The following C8orf34 variants were observed in gnomAD, a reference collection of about 807,000 sequenced individuals.
C8orf34 encodes the protein chromosome 8 open reading frame 34, also known as uncharacterized protein C8orf34.
C8orf34 carries 65 observed loss-of-function variants against 68.3 expected under a neutral mutation model. That is an observed-to-expected ratio of 0.95 (90% CI 0.78 to 1.17). The LOEUF (loss-of-function observed/expected upper bound fraction) is 1.17, where lower values mean the gene tolerates loss of function less well. Ranked by LOEUF, C8orf34 falls within the 50% of genes most tolerant of loss-of-function variation. The pLI, the probability that C8orf34 is intolerant of heterozygous loss-of-function variation, is 0.00. For missense variants in C8orf34, 664 were observed against 655.4 expected, an observed-to-expected ratio of 1.01 and a Z score of -0.14; for synonymous variants, 244 against 241.2, an observed-to-expected ratio of 1.01 and a Z score of -0.11.
intron 1 of C8orf34, among the ~76,000 whole-genome samples, chr8:68,431,294 T>G (rs1405386383): frequency 6.6e-6 from 1 of 152,206 alleles, no homozygotes; most frequent in Non-Finnish European, 1.5e-5. Flanking sequence ...TTTTTATAAA[T>G]GATAAAAGGC....
chr8:68,685,716 A>G lies in C8orf34; in HGVS notation c.1242-23278A>G, dbSNP rs1327157398. Among the ~76,000 whole-genome samples the G allele has an allele frequency of 2.6e-5, 4 of 151,850 alleles. No individual in the cohort carries two copies. The East Asian group carries it at 5.8e-4, about 22-fold the overall frequency. On this transcript the variant is annotated intron_variant, in intron 8 of 13. Transcript: ENST00000518698. ...ACCAAAAATACAAAAAGAAACCCCC[A>G]AAAGCAAAAATTAGCCAGGCGTGGA... is the stretch of plus-strand genomic sequence containing the variant.
intron 9 of C8orf34, among the ~76,000 whole-genome samples, chr8:68,717,668 A>T (rs1019805737): frequency 8.5e-5 from 13 of 152,082 alleles, no homozygotes; most frequent in African/African-American, 3.1e-4. Flanking sequence ...ATTTAAATAG[A>T]TCATATATAC....
chr8:68,472,807 G>A (rs753176106), intron 4 of C8orf34, among the ~76,000 whole-genome samples: 14 of 151,820 alleles, frequency 9.2e-5, no homozygotes, highest in African/African-American at 1.9e-4. Flanking sequence ...AAAAATTTTC[G>A]AGATATTTTA....
At chr8:68,815,380 A>G (rs1445617791) in intron 12 of C8orf34, among the ~76,000 whole-genome samples, 1 of 152,190 alleles carries the variant, frequency 6.6e-6, no homozygotes, top group Non-Finnish European at 1.5e-5. Flanking sequence ...ATATACACAT[A>G]CACAGACACA....
At chr8:68,542,962 A>T (rs1815750899) in intron 7 of C8orf34, among the ~76,000 whole-genome samples, 2 of 152,100 alleles carry the variant, frequency 1.3e-5, no homozygotes, top group South Asian at 4.1e-4. Flanking sequence ...TTAAAAACTT[A>T]TTCTTTATTT....
At chr8:68,664,387 TC>T (rs1442799262) in intron 8 of C8orf34, among the ~76,000 whole-genome samples, 1 of 152,128 alleles carries the variant, frequency 6.6e-6, no homozygotes, top group East Asian at 1.9e-4. Flanking sequence ...ATGGAGTTAG[TC>T]ATGCTAGGCC....
At chr8:68,460,767 G>T (rs531702730) in intron 3 of C8orf34, among the ~76,000 whole-genome samples, 6 of 152,250 alleles carry the variant, frequency 3.9e-5, no homozygotes, top group African/African-American at 1.4e-4. Flanking sequence ...AAACAGAAAG[G>T]ACATCCACAC....
chr8:68,793,079 A>G (rs1439078560), intron 12 of C8orf34, among the ~76,000 whole-genome samples: 1 of 152,174 alleles, frequency 6.6e-6, no homozygotes, highest in Non-Finnish European at 1.5e-5. Context: ...TGACTAAAAA[A>G]TTTTCCAGAA....
At chr8:68,345,457 A>G (rs542538340) in intron 1 of C8orf34, among the ~76,000 whole-genome samples, 1 of 152,190 alleles carries the variant, frequency 6.6e-6, no homozygotes, top group African/African-American at 2.4e-5. Context: ...CAGACTTAAA[A>G]TATTTCCCTT....
At chr8:68,589,895 A>G (rs527666978) in intron 7 of C8orf34, among the ~76,000 whole-genome samples, 219 of 138,326 alleles carry the variant, frequency 1.6e-3, no homozygotes, top group African/African-American at 5.5e-3. Flanking sequence ...AGGAAGAAGA[A>G]GGAAAGGAAG....
chr8:68,582,258 A>AAAGAGG (rs1226059426), intron 7 of C8orf34, among the ~76,000 whole-genome samples: 12 of 152,198 alleles, frequency 7.9e-5, no homozygotes, highest in Admixed American at 5.2e-4. Flanking sequence ...CTAATGCAAC[A>AAAGAGG]GACTGAAGTG....
At chr8:68,352,983 A>G (rs1806577476) in intron 1 of C8orf34, among the ~76,000 whole-genome samples, 1 of 152,148 alleles carries the variant, frequency 6.6e-6, no homozygotes, top group African/African-American at 2.4e-5. Context: ...GAATCTTGGA[A>G]TGCTTATATC....
intron 5 of C8orf34, among the ~76,000 whole-genome samples, chr8:68,489,335 G>T (rs189912838): frequency 6.6e-6 from 1 of 152,228 alleles, no homozygotes; most frequent in East Asian, 1.9e-4. Flanking sequence ...GGGCTAGATA[G>T]ATACATAAAA....
At chr8:68,418,787 G>A (rs1233279459) in intron 1 of C8orf34, among the ~76,000 whole-genome samples, 12 of 152,062 alleles carry the variant, frequency 7.9e-5, no homozygotes, top group African/African-American at 2.7e-4. Context: ...TATGTAGAAA[G>A]TTGAAACTGG....
intron 12 of C8orf34, chr8:68,792,471 C>G (rs1312232411): frequency 6.9e-6 from 1 of 145,334 alleles, no homozygotes; most frequent in African/African-American, 2.5e-5. Context: ...ACTCGGGAGG[C>G]TGAGGCAGGA....
intron 1 of C8orf34, chr8:68,438,678 CA>C (rs1810767597): frequency 1.3e-5 from 2 of 152,062 alleles, no homozygotes; most frequent in Admixed American, 1.3e-4. Flanking sequence ...TTACACAGCA[CA>C]AAATGATATC....
intron 1 of C8orf34, among the ~76,000 whole-genome samples, chr8:68,340,173 GT>G: frequency 6.6e-6 from 1 of 152,160 alleles, no homozygotes. Context: ...ATGCAAAATG[GT>G]CCAACCACTT....
chr8:68,615,994 A>G (rs137890912), intron 7 of C8orf34, among the ~76,000 whole-genome samples: 2 of 149,394 alleles, frequency 1.3e-5, no homozygotes, highest in East Asian at 3.9e-4. Context: ...TTCAGAGATT[A>G]AACTTCTTCC....
chr8:68,730,588 G>T (rs1009179566), intron 10 of C8orf34, among the ~76,000 whole-genome samples: 3 of 152,026 alleles, frequency 2.0e-5, no homozygotes, highest in Non-Finnish European at 2.9e-5. Context: ...TGTTACATTT[G>T]CATAGGGAAA....
Sources: allele counts gnomAD v4.1 joint callset (sites outside exome capture counted in the v4.1 genomes callset), GRCh38; gene constraint gnomAD v4.1.1; transcripts MANE v1.5; gene names NCBI Gene and HGNC (gene_info 2026-07-23, HGNC 2026-07-21).